Variants in VWA3B observed in about 807,000 individuals in gnomAD.
The protein encoded by VWA3B is von Willebrand factor A domain-containing protein 3B.
VWA3B carries 138 observed loss-of-function variants against 158.3 expected under a neutral mutation model. The ratio of observed to expected loss-of-function variants is 0.87; its 90% confidence interval spans 0.76 to 1.00. The LOEUF is 1.00. Among genes scored for constraint, VWA3B ranks in the 50% least tolerant of loss-of-function variants. The pLI, the probability that VWA3B is intolerant of heterozygous loss-of-function variation, is 0.00. For synonymous variants in VWA3B, 596 were observed against 587.3 expected (o/e 1.01, Z -0.21); for missense variants, 1,555 against 1,565.1 (o/e 0.99, Z 0.11).
chr2:98,271,292 G>C (rs1407691309), intron 22 of VWA3B, among the ~76,000 whole-genome samples: 2 of 152,130 alleles, frequency 1.3e-5, no homozygotes, highest in Admixed American at 1.3e-4. Context: ...TCATAGGGTT[G>C]TTATAAAGAG....
chr2:98,196,674 C>CT (rs1440939131), intron 12 of VWA3B, among the ~76,000 whole-genome samples: 3 of 152,168 alleles, frequency 2.0e-5, no homozygotes, highest in African/African-American at 7.2e-5. Context: ...CGGGCTCTCT[C>CT]TGTCTGCCTC....
intron 22 of VWA3B, among the ~76,000 whole-genome samples, chr2:98,274,479 G>C (rs893515757): frequency 6.6e-6 from 1 of 152,210 alleles, no homozygotes; most frequent in Non-Finnish European, 1.5e-5. Context: ...TAGCCCAGAA[G>C]GATGCCTAGG....
At chr2:98,155,856 C>T (rs993618065) in intron 7 of VWA3B, among the ~76,000 whole-genome samples, 1 of 152,112 alleles carries the variant, frequency 6.6e-6, no homozygotes, top group South Asian at 2.1e-4. Context: ...GACATCCAGG[C>T]ATGAGAATAT....
intron 23 of VWA3B, among the ~76,000 whole-genome samples, chr2:98,295,678 C>T (rs1427863189): frequency 6.6e-6 from 1 of 152,180 alleles, no homozygotes; most frequent in Non-Finnish European, 1.5e-5. Context: ...GGTCCTCAAA[C>T]GGGTCCCAGA....
At chr2:98,192,847 C>A (rs755308644) in intron 10 of VWA3B, 51 bp from the exon 11 acceptor site, 1 of 1,613,536 alleles carries the variant, frequency 6.2e-7, no homozygotes, top group East Asian at 2.2e-5. Context: ...GGAAGATGCT[C>A]TTGTTGCCTG....
At chr2:98,165,395 T>A (rs1228500347) in intron 8 of VWA3B, among the ~76,000 whole-genome samples, 2 of 152,140 alleles carry the variant, frequency 1.3e-5, no homozygotes, top group Non-Finnish European at 2.9e-5. Flanking sequence ...GGACATGTAA[T>A]CAGGATGTCT....
the VWA3B span, among the ~76,000 whole-genome samples, chr2:98,326,149 A>C: frequency 1.7e-4 from 26 of 152,314 alleles, no homozygotes; most frequent in South Asian, 5.2e-3. Context: ...ATTTGAAATA[A>C]ACAAACAACA....
intron 8 of VWA3B, among the ~76,000 whole-genome samples, chr2:98,177,699 T>C (rs1680128337): frequency 2.0e-5 from 3 of 152,108 alleles, no homozygotes; most frequent in Non-Finnish European, 4.4e-5. Flanking sequence ...CAGATGGTAA[T>C]TGGGAGCCTG....
rs758041065 is a variant in VWA3B, at chr2:98,312,098, A to T, written c.3735+66A>T. On this transcript the variant is annotated intron_variant, in intron 27 of 27. Coordinates refer to ENST00000477737, the MANE Select transcript of VWA3B (RefSeq NM_144992.5). ...GGAACACCCTGAAATCCCTTTCAAG[A>T]ATAGTACACCTAACATCGTCCTTCA... The T allele has an allele frequency of 1.2e-5, 20 of 1,609,528 alleles. No homozygotes were observed. The South Asian group carries it at 2.2e-4, about 18-fold the overall frequency.
chr2:98,109,459 T>C (rs1673959961), intron 2 of VWA3B, among the ~76,000 whole-genome samples: 1 of 152,208 alleles, frequency 6.6e-6, no homozygotes, highest in Non-Finnish European at 1.5e-5. Context: ...TTCCCATTTA[T>C]AATAAAATGT....
At chr2:98,231,472 T>C (rs1685330233) in intron 16 of VWA3B, among the ~76,000 whole-genome samples, 1 of 152,124 alleles carries the variant, frequency 6.6e-6, no homozygotes, top group South Asian at 2.1e-4. Flanking sequence ...ACCCAAATGA[T>C]TTGACAAAGG....
chr2:98,088,367 T>C (rs1424764030), intron 1 of VWA3B, among the ~76,000 whole-genome samples: 2 of 152,172 alleles, frequency 1.3e-5, no homozygotes, highest in South Asian at 2.1e-4. Flanking sequence ...ACCTTTTCTC[T>C]GAGGGCATGC....
At chr2:98,220,018 C>T (rs375169422) in intron 14 of VWA3B, among the ~76,000 whole-genome samples, 22 of 151,748 alleles carry the variant, frequency 1.4e-4, no homozygotes, top group African/African-American at 4.8e-4. Flanking sequence ...TAAAAAGTAG[C>T]TGGGCATGGT....
chr2:98,147,687 T>G (rs1677276129), intron 7 of VWA3B, among the ~76,000 whole-genome samples: 1 of 152,058 alleles, frequency 6.6e-6, no homozygotes, highest in Non-Finnish European at 1.5e-5. Context: ...TTTTTTGGGG[T>G]GTATTTTTTT....
intron 22 of VWA3B, among the ~76,000 whole-genome samples, chr2:98,277,265 G>A (rs1168884564): frequency 6.6e-6 from 1 of 152,034 alleles, no homozygotes; most frequent in Non-Finnish European, 1.5e-5. Flanking sequence ...CCCCTCCCTA[G>A]CACCCCTCAT....
chr2:98,150,425 C>G (rs568445362), intron 7 of VWA3B, among the ~76,000 whole-genome samples: 9 of 152,186 alleles, frequency 5.9e-5, no homozygotes, highest in Admixed American at 1.3e-4. Flanking sequence ...AGTTCGTGGT[C>G]ATTCTTCTTT....
intron 12 of VWA3B, among the ~76,000 whole-genome samples, chr2:98,202,011 A>G (rs1682583307): frequency 6.6e-6 from 1 of 152,214 alleles, no homozygotes. Context: ...TTTTGGTATC[A>G]GGAAATGCTG....
chr2:98,173,178 G>T (rs1191783824), intron 8 of VWA3B, among the ~76,000 whole-genome samples: 30 of 152,350 alleles, frequency 2.0e-4, no homozygotes, highest in Admixed American at 1.8e-3. Flanking sequence ...AAAGAAGGCT[G>T]CAGAAGAGAT....
the VWA3B span, among the ~76,000 whole-genome samples, chr2:98,325,874 C>T: frequency 6.6e-6 from 1 of 152,144 alleles, no homozygotes; most frequent in Non-Finnish European, 1.5e-5. Flanking sequence ...TGCCAAATCC[C>T]AGATAATATA....
Sources: allele counts gnomAD v4.1 joint callset (sites outside exome capture counted in the v4.1 genomes callset), GRCh38; gene constraint gnomAD v4.1.1; transcripts MANE v1.5; gene names NCBI Gene and HGNC (gene_info 2026-07-23, HGNC 2026-07-21).